CKAP2L: variants seen among roughly 807,000 people sequenced by gnomAD.
CKAP2L encodes the protein cytoskeleton-associated protein 2-like.
A neutral mutation model predicts 65.7 loss-of-function variants in CKAP2L; 42 were observed. The observed-to-expected ratio is 0.64, with a 90% CI of 0.50 to 0.83. The LOEUF is 0.83. Among genes scored for constraint, CKAP2L ranks in the 40% least tolerant of loss-of-function variants. The pLI, the probability that CKAP2L is intolerant of heterozygous loss-of-function variation, is 0.00. For missense variants in CKAP2L, 908 were observed against 871.0 expected (o/e 1.04, Z -0.53); for synonymous variants, 325 against 313.5 (o/e 1.04, Z -0.39).
intron 5 of CKAP2L, among the ~76,000 whole-genome samples, chr2:112,751,822 G>T (rs1680380673): frequency 6.6e-6 from 1 of 152,076 alleles, no homozygotes; most frequent in South Asian, 2.1e-4. Context: ...CAGAATCCAA[G>T]ATAAAATTTA....
At chr2:112,753,675 G>A (rs551149301) in intron 4 of CKAP2L, among the ~76,000 whole-genome samples, 28 of 151,838 alleles carry the variant, frequency 1.8e-4, no homozygotes, top group African/African-American at 5.1e-4. Flanking sequence ...TTACAGGCGC[G>A]TGCCACCACA....
At chr2:112,747,294 T>G (rs1314716719) in intron 5 of CKAP2L, among the ~76,000 whole-genome samples, 7 of 152,134 alleles carry the variant, frequency 4.6e-5, no homozygotes, top group Admixed American at 3.3e-4. Context: ...TGAGACCAAA[T>G]AGAAAATGTT....
At chr2:112,742,934 A>C (rs925810548) in intron 6 of CKAP2L, 165 bp from the exon 7 acceptor site, 1 of 581,042 alleles carries the variant, frequency 1.7e-6, no homozygotes, top group Non-Finnish European at 3.0e-6. Context: ...GCTTCATGAG[A>C]AAAGTAAAGG....
chr2:112,754,355 C>A (rs570231987), intron 4 of CKAP2L, among the ~76,000 whole-genome samples: 1 of 152,300 alleles, frequency 6.6e-6, no homozygotes, highest in South Asian at 2.1e-4. Flanking sequence ...TATTTCAGCC[C>A]CAAATACTGC....
At position 112,758,475 on chromosome 2, in the gene CKAP2L, T is replaced by C. The variant is rs553879876; in HGVS notation, c.157-1261A>G. Among the ~76,000 whole-genome samples, 10 of 152,322 alleles carry C rather than the reference T, an allele frequency of 6.6e-5. No homozygotes were observed. In the East Asian group the frequency reaches 1.2e-3, roughly 18 times the overall value. On this transcript the variant is annotated intron_variant, in intron 3 of 8. Transcript: ENST00000302450. ...GATTTCTAACCAGAACCATTTGGCA[T>C]TGAGGGCAAAGAGATGTCTACTCTG...
At chr2:112,755,169 G>A (rs1262688127) in intron 4 of CKAP2L, among the ~76,000 whole-genome samples, 3 of 152,142 alleles carry the variant, frequency 2.0e-5, no homozygotes, top group Non-Finnish European at 4.4e-5. Context: ...ATACATATGT[G>A]CTTCTCCTGG....
chr2:112,751,552 ACTC>A (rs1053654022), intron 5 of CKAP2L, among the ~76,000 whole-genome samples: 11 of 152,184 alleles, frequency 7.2e-5, no homozygotes, highest in Non-Finnish European at 1.0e-4. Context: ...AAGAAAAAGA[ACTC>A]AAGTTCAATT....
In CKAP2L at chr2:112,760,613, C is replaced by G; in HGVS notation, c.156+100G>C. 5 of 624,398 alleles carry G rather than the reference C, an allele frequency of 8.0e-6. No individual in the cohort carries two copies. The South Asian group carries it at 1.1e-4, about 14-fold the overall frequency. The allele number at this position is 624,398 out of a possible 1,614,324, so 38.7% of individuals were successfully genotyped here. On this transcript the variant is annotated intron_variant, in intron 3 of 8. Transcript: ENST00000302450. Reference sequence around the variant, plus strand: ...CTGTTTTTATATCTGTAAGAAATACCTTTCAAATACATGTTCTTTAGGTTG... The same window carrying G: ...CTGTTTTTATATCTGTAAGAAATACGTTTCAAATACATGTTCTTTAGGTTG...
chr2:112,763,626 T>G (rs905522042), intron 1 of CKAP2L: 1 of 150,808 alleles, frequency 6.6e-6, no homozygotes, highest in Non-Finnish European at 1.5e-5. Flanking sequence ...ATGAGGGGAG[T>G]AGGTGGCTAG....
chr2:112,754,727 C>T (rs540688767), intron 4 of CKAP2L, among the ~76,000 whole-genome samples: 1 of 152,270 alleles, frequency 6.6e-6, no homozygotes, highest in South Asian at 2.1e-4. Context: ...CAAACATGTT[C>T]AACCTGCAAC....
intron 4 of CKAP2L, among the ~76,000 whole-genome samples, chr2:112,752,923 A>T (rs1171308137): frequency 6.6e-6 from 1 of 152,074 alleles, no homozygotes; most frequent in Admixed American, 6.6e-5. Flanking sequence ...GACCCACTTC[A>T]CCTAGTTCCT....
In CKAP2L at chr2:112,754,765, C is replaced by G. The variant is rs373697707; in HGVS notation, c.1394+1212G>C. On this transcript the variant is annotated intron_variant, in intron 4 of 8. Transcript: ENST00000302450. ...AGTCTTATGACCAATCCTCTGTTGT[C>G]TGACCTAGGCTGAGCTCCAGGGCTG... Among the ~76,000 whole-genome samples, 5 of 152,328 alleles carry G rather than the reference C, an allele frequency of 3.3e-5. No individual in the cohort carries two copies. In the East Asian group the frequency reaches 9.6e-4, roughly 29 times the overall value.
rs556233760 is a variant in CKAP2L, at chr2:112,754,631, C to T, written c.1394+1346G>A. Among the ~76,000 whole-genome samples, 9 of 152,334 alleles carry T rather than the reference C, an allele frequency of 5.9e-5. No homozygotes were observed. In the South Asian group the frequency reaches 1.9e-3, roughly 32 times the overall value. Reference sequence around the variant, plus strand: ...GTGTGCTCATCACTGTGTCTCCTAGCGCCTGGCACACTGCAGGTGCTGAAG... The same window carrying T: ...GTGTGCTCATCACTGTGTCTCCTAGTGCCTGGCACACTGCAGGTGCTGAAG... On this transcript the variant is annotated intron_variant, in intron 4 of 8. Coordinates refer to ENST00000302450, the MANE Select transcript of CKAP2L (RefSeq NM_152515.5).
At chr2:112,747,030 C>A (rs1362619011) in intron 5 of CKAP2L, among the ~76,000 whole-genome samples, 1 of 151,848 alleles carries the variant, frequency 6.6e-6, no homozygotes, top group African/African-American at 2.4e-5. Flanking sequence ...ACCTCGTGAT[C>A]CGCCCACCTC....
In CKAP2L at chr2:112,738,615, A is replaced by G. The variant is rs746135131; in HGVS notation, c.*208T>C. The G allele has an allele frequency of 3.5e-6, 2 of 575,396 alleles. No homozygotes were observed. Among genetic ancestry groups the G allele is most frequent in the African/African-American group, 3.7e-5 (2 of 53,508 alleles). The allele number at this position is 575,396 out of a possible 1,614,324, so 35.6% of individuals were successfully genotyped here. A position where few individuals can be genotyped will look rare whatever the true frequency, so the allele number is the denominator to read the frequency against. On this transcript the variant is annotated 3_prime_UTR_variant, in exon 9 of 9. Coordinates refer to ENST00000302450, the MANE Select transcript of CKAP2L (RefSeq NM_152515.5). The stretch of plus-strand genomic sequence containing the variant: ...AAGTTTGAAATTTATGTATACTGTA[A>G]AACTGGCAAACTGGTCTTAAACACA...
chr2:112,737,493 A>AT lies in CKAP2L; in HGVS notation c.*1329dup, dbSNP rs2104826791. ...GATTAATGATGCTGAACACCTTTTC[A>AT]TATCTATACCTACTGGCCATTTCTT... On this transcript the variant is annotated 3_prime_UTR_variant, in exon 9 of 9. Coordinates refer to ENST00000302450, the MANE Select transcript of CKAP2L (RefSeq NM_152515.5). 6.6e-6 allele frequency: 1 copy of AT among 152,274 alleles called. No homozygotes were observed. Among genetic ancestry groups the AT allele is most frequent in the African/African-American group, 2.4e-5 (1 of 41,554 alleles). 9.4% of individuals were successfully genotyped at this position (152,274 alleles called of 1,614,324 possible). A position where few individuals can be genotyped will look rare whatever the true frequency, so the allele number is the denominator to read the frequency against.
Position 112,752,367 on chromosome 2 carries a change from C to T in CKAP2L, c.1502G>A (p.Trp501Ter), listed in dbSNP as rs1680398143. 6.2e-7 allele frequency: 1 copy of T among 1,612,826 alleles called. No homozygotes were observed. The highest frequency in any genetic ancestry group is 1.7e-5 in the Admixed American group (1 of 59,990). Residue 501 changes from tryptophan (W) to a stop codon, truncating the protein, a stop_gained, in exon 5 of 9, where the codon TGG becomes TAG. Transcript: ENST00000302450. LOFTEE classifies it high-confidence loss of function. ...KVIKEMNISF[W>*]KSIEKEEEEK... Reference sequence around the variant, plus strand: ...TTCCTCTTCTTTTTCAATGCTCTTCCAGAATGAAATATTCATTTCCTTTAT... The same window carrying T: ...TTCCTCTTCTTTTTCAATGCTCTTCTAGAATGAAATATTCATTTCCTTTAT...
At chr2:112,758,437 C>T (rs927544825) in intron 3 of CKAP2L, among the ~76,000 whole-genome samples, 4 of 152,006 alleles carry the variant, frequency 2.6e-5, no homozygotes, top group East Asian at 1.9e-4. Context: ...ATAAACTTGG[C>T]GAGTATGTAA....
In CKAP2L at chr2:112,760,740, A is replaced by G. The variant is rs368437963; in HGVS notation, c.129T>C (p.Asn43=). The change falls in exon 3 of 9, where the codon AAT becomes AAC. Residue 43 remains asparagine (N), a synonymous_variant. Coordinates refer to ENST00000302450, the MANE Select transcript of CKAP2L (RefSeq NM_152515.5). ...NTKPYLKSKN[N]CQNQPPSKST... is the part of the protein sequence containing the mutation. ...ATTTAGAAGGTGGTTGATTCTGGCA[A>G]TTATTCTTGGATTTTAGATAAGGCC... 1.6e-5 allele frequency: 25 copies of G among 1,517,132 alleles called. No homozygotes were observed. Among genetic ancestry groups the G allele is most frequent in the Non-Finnish European group, 2.1e-5 (23 of 1,104,866 alleles). 94.0% of individuals were successfully genotyped at this position (1,517,132 alleles called of 1,614,324 possible).
Sources: gnomAD v4.1 joint callset for allele counts (sites outside exome capture counted in the v4.1 genomes callset) on GRCh38, gnomAD v4.1.1 for gene constraint, MANE v1.5 for transcripts, NCBI Gene and HGNC (gene_info 2026-07-23, HGNC 2026-07-21) for gene names.